UBR2: variants seen among roughly 807,000 people sequenced by gnomAD.
UBR2 encodes the protein ubiquitin protein ligase E3 component n-recognin 2, also known as E3 ubiquitin-protein ligase UBR2.
In UBR2, 92 loss-of-function variants were observed where a neutral mutation model predicts 247.9. The observed-to-expected ratio is 0.37, with a 90% CI of 0.31 to 0.44. The LOEUF is 0.44. Ranked by LOEUF, UBR2 falls within the 20% of genes least tolerant of loss-of-function variation. The pLI is 1.00. For synonymous variants in UBR2, 672 were observed against 693.5 expected, an observed-to-expected ratio of 0.97 and a Z score of 0.49; for missense variants, 1,613 against 2,112.6, an observed-to-expected ratio of 0.76 and a Z score of 4.64.
chr6:42,613,508 G>A (rs1007552594), intron 8 of UBR2, among the ~76,000 whole-genome samples: 3 of 152,100 alleles, frequency 2.0e-5, no homozygotes, highest in Non-Finnish European at 4.4e-5. Context: ...GATCCCTCGA[G>A]CCCAGGAGTT....
At chr6:42,579,921 G>A (rs919232010) in intron 2 of UBR2, among the ~76,000 whole-genome samples, 10 of 152,152 alleles carry the variant, frequency 6.6e-5, no homozygotes, top group Middle Eastern at 6.8e-3. Flanking sequence ...AGTTTGTTTT[G>A]GAGATCTTTT....
chr6:42,568,528 G>T (rs1456547823), intron 1 of UBR2, among the ~76,000 whole-genome samples: 1 of 152,088 alleles, frequency 6.6e-6, no homozygotes, highest in Non-Finnish European at 1.5e-5. Flanking sequence ...AGGAGATCGA[G>T]ACCATCCTGG....
At chr6:42,565,423 T>C (rs1035238379) in intron 1 of UBR2, among the ~76,000 whole-genome samples, 3 of 152,168 alleles carry the variant, frequency 2.0e-5, no homozygotes, top group Non-Finnish European at 4.4e-5. Flanking sequence ...GAGCTGTTGG[T>C]CAGTGAGTAG....
At chr6:42,628,496 A>T (rs62414627) in intron 11 of UBR2, among the ~76,000 whole-genome samples, 11,299 of 152,008 alleles carry the variant, frequency 0.074, 522 homozygotes, top group South Asian at 0.12. Flanking sequence ...CAAAGGTGGG[A>T]GGATCACTTG....
At chr6:42,633,163 TTTG>T (rs78126394) in intron 13 of UBR2, among the ~76,000 whole-genome samples, 3,843 of 149,686 alleles carry the variant, frequency 0.026, 120 homozygotes, top group African/African-American at 0.081. Context: ...GCCCAGCTTC[TTTG>T]TTGTTGTTGT....
At chr6:42,586,437 A>G (rs1404959046) in intron 2 of UBR2, among the ~76,000 whole-genome samples, 1 of 151,330 alleles carries the variant, frequency 6.6e-6, no homozygotes, top group East Asian at 1.9e-4. Flanking sequence ...AAAAGAAGGT[A>G]TATTTTGCAG....
intron 1 of UBR2, among the ~76,000 whole-genome samples, chr6:42,567,562 C>T (rs1790856994): frequency 6.6e-6 from 1 of 152,106 alleles, no homozygotes; most frequent in African/African-American, 2.4e-5. Context: ...AACCCTGTCT[C>T]TACTAAAAAT....
chr6:42,691,301 T>C lies in UBR2; in HGVS notation c.*128T>C. The C allele has an allele frequency of 1.5e-6, 2 of 1,343,382 alleles. No homozygotes were observed. The highest frequency in any genetic ancestry group is 2.0e-6 in the Non-Finnish European group (2 of 975,976). The allele number at this position is 1,343,382 out of a possible 1,614,324, so 83.2% of individuals were successfully genotyped here. A position where few individuals can be genotyped will look rare whatever the true frequency, so the allele number is the denominator to read the frequency against. On this transcript the variant is annotated 3_prime_UTR_variant, in exon 47 of 47. Coordinates refer to ENST00000372901, the MANE Select transcript of UBR2 (RefSeq NM_001363705.2). The stretch of plus-strand genomic sequence containing the variant: ...AACTTTCCTTCCCAGTTTTATAGTT[T>C]CTGGTTCTGAGGACTGATGAAAATC...
Position 42,658,265 on chromosome 6 carries a change from G to C in UBR2, c.3008G>C (p.Arg1003Thr). 1 of 1,613,726 alleles carries C rather than the reference G, an allele frequency of 6.2e-7. No homozygotes were observed. The highest frequency in any genetic ancestry group is 8.5e-7 in the Non-Finnish European group (1 of 1,179,906). The change falls in exon 28 of 47, where the codon AGG becomes ACG. Residue 1003 changes from arginine (R) to threonine (T), a missense_variant. By Grantham distance (71) the Arg-to-Thr change is moderately conservative. Transcript: ENST00000372901. The stretch of plus-strand genomic sequence containing the variant: ...ACTTTTAATGCTGTTAAAAAGATGA[G>C]GGAGAGTTCACCTACCAGTCCCGTG... ...LKTFNAVKKMRESSPTSPVAE... is the reference protein window; with the variant it reads ...LKTFNAVKKMTESSPTSPVAE...
chr6:42,614,205 A>AAAATATATAT, intron 8 of UBR2, among the ~76,000 whole-genome samples: 1 of 26,614 alleles, frequency 3.8e-5, no homozygotes. Flanking sequence ...AAAAAAAAAA[A>AAAATATATAT]CTATATATAT....
At chr6:42,661,677 TTTG>T (rs996575518) in intron 30 of UBR2, among the ~76,000 whole-genome samples, 2 of 152,230 alleles carry the variant, frequency 1.3e-5, no homozygotes, top group Non-Finnish European at 1.5e-5. Context: ...GCTTAGATTT[TTTG>T]TTGTCACTTT....
chr6:42,625,818 C>CTTTT (rs112761416), intron 11 of UBR2, among the ~76,000 whole-genome samples: 1 of 144,394 alleles, frequency 6.9e-6, no homozygotes, highest in Non-Finnish European at 1.5e-5. Flanking sequence ...TTTTTCCCCC[C>CTTTT]TTTTTTTTTT....
intron 18 of UBR2, among the ~76,000 whole-genome samples, chr6:42,642,859 C>A (rs1796525999): frequency 6.6e-6 from 1 of 152,096 alleles, no homozygotes; most frequent in African/African-American, 2.4e-5. Context: ...AGTTTAAACC[C>A]CTTAAACTAA....
intron 21 of UBR2, 42 bp from the exon 22 acceptor site, chr6:42,648,076 G>A (rs1796886695): frequency 6.5e-7 from 1 of 1,545,446 alleles, no homozygotes; most frequent in Non-Finnish European, 8.9e-7. Flanking sequence ...AGTGCTAGTA[G>A]TTATTATTAA....
intron 21 of UBR2, 38 bp downstream of exon 21, chr6:42,645,628 C>T: frequency 1.2e-6 from 2 of 1,601,238 alleles, no homozygotes; most frequent in Non-Finnish European, 8.5e-7. Context: ...ACCATAGAAA[C>T]TTTTCCCTGC....
At chr6:42,691,004 C>A (rs1409271301) in intron 46 of UBR2, 28 bp from the exon 47 acceptor site, 2 of 1,612,546 alleles carry the variant, frequency 1.2e-6, no homozygotes, top group East Asian at 2.2e-5. Context: ...AGAACACATT[C>A]TGAGTGACAT....
At chr6:42,683,221 A>G (rs1255599680) in intron 43 of UBR2, 110 bp downstream of exon 43, 3 of 847,216 alleles carry the variant, frequency 3.5e-6, no homozygotes, top group Admixed American at 5.6e-5. Context: ...AGTGATTCCA[A>G]AAGGTTAAGA....
intron 6 of UBR2, 90 bp from the exon 7 acceptor site, chr6:42,606,499 T>C (rs1793706686): frequency 9.0e-7 from 1 of 1,115,414 alleles, no homozygotes; most frequent in Admixed American, 2.1e-5. Flanking sequence ...ATCAGAATTG[T>C]TATATGCTTA....
chr6:42,578,224 C>T (rs1477651451), intron 2 of UBR2, among the ~76,000 whole-genome samples: 3 of 151,794 alleles, frequency 2.0e-5, no homozygotes, highest in Admixed American at 6.5e-5. Context: ...GGTTCTGCTC[C>T]AGGTAGTTTT....
Sources: gnomAD v4.1 joint callset for allele counts (sites outside exome capture counted in the v4.1 genomes callset) on GRCh38, gnomAD v4.1.1 for gene constraint, MANE v1.5 for transcripts, NCBI Gene and HGNC (gene_info 2026-07-23, HGNC 2026-07-21) for gene names.